STEAP1B: variants seen among roughly 807,000 people sequenced by gnomAD.
STEAP1B encodes STEAP family member 1B.
In STEAP1B, 13 loss-of-function variants were observed where a neutral mutation model predicts 27.9. The ratio of observed to expected loss-of-function variants is 0.47; its 90% confidence interval spans 0.30 to 0.74. The LOEUF is 0.74. STEAP1B is among the 30% of genes least tolerant of loss of function. The pLI is 0.06. For missense variants in STEAP1B, 250 were observed against 298.7 expected (o/e 0.84, Z 1.20); for synonymous variants, 86 against 107.1 (o/e 0.80, Z 1.22).
At chr7:22,442,576 C>T (rs1182243513) in intron 4 of STEAP1B, among the ~76,000 whole-genome samples, 1 of 152,224 alleles carries the variant, frequency 6.6e-6, no homozygotes, top group Non-Finnish European at 1.5e-5. Context: ...AGTGGCTGAG[C>T]TGTCAGCAGA....
At chr7:22,439,683 A>G (rs1785302789) in intron 4 of STEAP1B, among the ~76,000 whole-genome samples, 1 of 152,202 alleles carries the variant, frequency 6.6e-6, no homozygotes, top group African/African-American at 2.4e-5. Context: ...CTTGGAAGTG[A>G]TTGTGGGCAC....
At chr7:22,421,857 G>A (rs1409361851) in intron 4 of STEAP1B, among the ~76,000 whole-genome samples, 1 of 152,122 alleles carries the variant, frequency 6.6e-6, no homozygotes, top group Non-Finnish European at 1.5e-5. Flanking sequence ...TTAAAACCGA[G>A]GTGAGGACCT....
intron 4 of STEAP1B, among the ~76,000 whole-genome samples, chr7:22,456,244 A>G (rs1785577082): frequency 6.6e-6 from 1 of 152,194 alleles, no homozygotes; most frequent in Non-Finnish European, 1.5e-5. Context: ...TGAGGAAAAG[A>G]TCCATGGTTT....
intron 4 of STEAP1B, among the ~76,000 whole-genome samples, chr7:22,423,706 T>G (rs1436417026): frequency 1.3e-5 from 2 of 152,286 alleles, no homozygotes; most frequent in African/African-American, 4.8e-5. Context: ...TACACAACTG[T>G]GCAAGTTTGT....
chr7:22,482,290 T>G (rs2128414025), intron 4 of STEAP1B, among the ~76,000 whole-genome samples: 1 of 152,312 alleles, frequency 6.6e-6, no homozygotes, highest in South Asian at 2.1e-4. Context: ...GGGGCACACA[T>G]AGATTTGCCA....
chr7:22,471,969 G>A (rs1268616531), intron 4 of STEAP1B, among the ~76,000 whole-genome samples: 3 of 150,226 alleles, frequency 2.0e-5, no homozygotes, highest in Non-Finnish European at 4.4e-5. Flanking sequence ...TTAAAAGGCT[G>A]TGTTTCTGGC....
intron 4 of STEAP1B, among the ~76,000 whole-genome samples, chr7:22,467,006 G>A (rs1259932469): frequency 6.6e-6 from 1 of 152,196 alleles, no homozygotes; most frequent in Non-Finnish European, 1.5e-5. Flanking sequence ...CTGGCACATG[G>A]AAAAATGCTA....
At chr7:22,481,389 G>A (rs539031879) in intron 4 of STEAP1B, among the ~76,000 whole-genome samples, 3 of 152,236 alleles carry the variant, frequency 2.0e-5, no homozygotes, top group Admixed American at 2.0e-4. Context: ...CCTTTTGCTG[G>A]CCCTCTTCTT....
intron 4 of STEAP1B, among the ~76,000 whole-genome samples, chr7:22,486,390 A>T (rs1786209318): frequency 6.6e-6 from 1 of 152,188 alleles, no homozygotes; most frequent in Non-Finnish European, 1.5e-5. Flanking sequence ...ATACAGTTTA[A>T]GAGAGTTATT....
At chr7:22,451,192 C>CA (rs34284408) in intron 4 of STEAP1B, among the ~76,000 whole-genome samples, 7 of 146,394 alleles carry the variant, frequency 4.8e-5, no homozygotes, top group African/African-American at 1.5e-4. Context: ...GATTCTGTCT[C>CA]AAAAAAAAAA....
intron 4 of STEAP1B, among the ~76,000 whole-genome samples, chr7:22,469,298 A>C (rs1308244212): frequency 6.6e-6 from 1 of 152,240 alleles, no homozygotes; most frequent in Admixed American, 6.5e-5. Flanking sequence ...ATACAGCTGT[A>C]CAGCATGTTT....
intron 4 of STEAP1B, among the ~76,000 whole-genome samples, chr7:22,455,783 G>A (rs1785568236): frequency 6.6e-6 from 1 of 152,124 alleles, no homozygotes; most frequent in African/African-American, 2.4e-5. Context: ...TTATATAACT[G>A]GAATAAAATA....
chr7:22,462,226 T>A (rs13221626), intron 4 of STEAP1B, among the ~76,000 whole-genome samples: 1 of 152,204 alleles, frequency 6.6e-6, no homozygotes, highest in Non-Finnish European at 1.5e-5. Context: ...TCTCTTTTTT[T>A]AAAATTAATT....
At chr7:22,427,273 T>TA (rs1424058449) in intron 4 of STEAP1B, among the ~76,000 whole-genome samples, 1 of 152,156 alleles carries the variant, frequency 6.6e-6, no homozygotes, top group Non-Finnish European at 1.5e-5. Flanking sequence ...GAACAGCAGT[T>TA]ATGGACAATA....
Position 22,433,321 on chromosome 7 carries a change from CAGGGAGAGAGGATTTT to C in STEAP1B, c.763-13501_763-13486del, listed in dbSNP as rs1785214423. Among the ~76,000 whole-genome samples the C allele has an allele frequency of 1.6e-5, 2 of 128,862 alleles. 1 individual carries two copies. Among genetic ancestry groups the C allele is most frequent in the African/African-American group, 5.9e-5 (2 of 33,804 alleles). The allele number at this position is 128,862 out of a possible 152,430, so 84.5% of individuals were successfully genotyped here. A position where few individuals can be genotyped will look rare whatever the true frequency, so the allele number is the denominator to read the frequency against. On this transcript the variant is annotated intron_variant, in intron 4 of 4. Coordinates refer to ENST00000678116, the MANE Select transcript of STEAP1B (RefSeq NM_001382447.1). ...TCCACATAATGACTCATTGTAACCC[CAGGGAGAGAGGATTTT>C]CCTGCTCACAAAAGCACAAAGACAG...
chr7:22,455,635 T>C (rs2128405987), intron 4 of STEAP1B, among the ~76,000 whole-genome samples: 1 of 152,350 alleles, frequency 6.6e-6, no homozygotes, highest in South Asian at 2.1e-4. Flanking sequence ...ATGCATATAT[T>C]GCAAATAACT....
At chr7:22,420,070 G>A (rs1785026553) in intron 4 of STEAP1B, among the ~76,000 whole-genome samples, 1 of 152,032 alleles carries the variant, frequency 6.6e-6, no homozygotes, top group Non-Finnish European at 1.5e-5. Context: ...CTACATTGTG[G>A]GGCAATGAGA....
At chr7:22,462,344 T>C (rs978037337) in intron 4 of STEAP1B, among the ~76,000 whole-genome samples, 15 of 143,244 alleles carry the variant, frequency 1.0e-4, no homozygotes, top group Admixed American at 9.1e-4. Flanking sequence ...ACTCGTCATC[T>C]AGCATTAGGT....
At chr7:22,432,709 C>T (rs1411940994) in intron 4 of STEAP1B, among the ~76,000 whole-genome samples, 2 of 152,142 alleles carry the variant, frequency 1.3e-5, no homozygotes, top group Non-Finnish European at 2.9e-5. Flanking sequence ...TGTGATTTGC[C>T]GTCTGTTTCC....
Sources: gnomAD v4.1 joint callset for allele counts (sites outside exome capture counted in the v4.1 genomes callset) on GRCh38, gnomAD v4.1.1 for gene constraint, MANE v1.5 for transcripts, NCBI Gene and HGNC (gene_info 2026-07-23, HGNC 2026-07-21) for gene names.